RBFOX1: variants seen among roughly 807,000 people sequenced by gnomAD.
RBFOX1 encodes the protein RNA binding fox-1 homolog 1, also known as RNA binding protein fox-1 homolog 1.
Under a neutral mutation model 57.7 loss-of-function variants are expected in RBFOX1, and 8 were observed. The ratio of observed to expected loss-of-function variants is 0.14; its 90% confidence interval spans 0.08 to 0.25. The LOEUF (loss-of-function observed/expected upper bound fraction) is 0.25, where lower values mean the gene tolerates loss of function less well. RBFOX1 is among the 10% of genes least tolerant of loss of function. RBFOX1 has a pLI of 1.00. For synonymous variants in RBFOX1, 326 were observed against 222.4 expected (o/e 1.47, Z -4.15); for missense variants, 611 against 548.5 (o/e 1.11, Z -1.14).
At chr16:5,985,234 C>T (rs553422975) in intron 4 of RBFOX1, among the ~76,000 whole-genome samples, 3 of 151,764 alleles carry the variant, frequency 2.0e-5, no homozygotes, top group Non-Finnish European at 4.4e-5. Context: ...CCTCCTGATC[C>T]ATCCCCCTCG....
chr16:6,786,044 T>C (rs1047459034), intron 3 of RBFOX1, among the ~76,000 whole-genome samples: 1 of 152,170 alleles, frequency 6.6e-6, no homozygotes, highest in Non-Finnish European at 1.5e-5. Context: ...TGGTAGTGTC[T>C]GCACTGGGGA....
chr16:7,342,834 T>C (rs1432229007), intron 4 of RBFOX1, among the ~76,000 whole-genome samples: 1 of 152,210 alleles, frequency 6.6e-6, no homozygotes, highest in Non-Finnish European at 1.5e-5. Context: ...CCTGCATAGT[T>C]GGAATGACTA....
chr16:5,768,197 A>C (rs2053853231), intron 3 of RBFOX1, among the ~76,000 whole-genome samples: 1 of 152,204 alleles, frequency 6.6e-6, no homozygotes, highest in African/African-American at 2.4e-5. Flanking sequence ...CTCCATGCCT[A>C]GTTTTTGGAG....
intron 2 of RBFOX1, among the ~76,000 whole-genome samples, chr16:6,426,144 C>G (rs2093921611): frequency 6.6e-6 from 1 of 151,978 alleles, no homozygotes; most frequent in Non-Finnish European, 1.5e-5. Flanking sequence ...CTCTCTCTGT[C>G]TCTCTTTCTG....
intron 2 of RBFOX1, chr16:6,483,189 G>A: frequency 4.3e-6 from 5 of 1,158,834 alleles, no homozygotes; most frequent in Non-Finnish European, 5.3e-6. Flanking sequence ...GTTTTGGCGC[G>A]GACAGAGGCC....
chr16:7,578,892 T>C (rs2152829736), intron 5 of RBFOX1, among the ~76,000 whole-genome samples: 1 of 152,266 alleles, frequency 6.6e-6, no homozygotes, highest in South Asian at 2.1e-4. Context: ...TCCTGCCAAA[T>C]ATGTGGGTGT....
intron 3 of RBFOX1, among the ~76,000 whole-genome samples, chr16:6,777,529 TC>T (rs1022583380): frequency 6.6e-6 from 1 of 152,154 alleles, no homozygotes; most frequent in East Asian, 1.9e-4. Flanking sequence ...GTAATGCATT[TC>T]CCTGAGGGAA....
intron 3 of RBFOX1, among the ~76,000 whole-genome samples, chr16:5,645,669 C>T (rs529257084): frequency 3.3e-5 from 5 of 152,132 alleles, no homozygotes; most frequent in African/African-American, 7.2e-5. Context: ...TATTTACATA[C>T]GTATTTTTTG....
chr16:6,443,562 G>T (rs1447892705), intron 2 of RBFOX1, among the ~76,000 whole-genome samples: 1 of 152,182 alleles, frequency 6.6e-6, no homozygotes, highest in Admixed American at 6.5e-5. Flanking sequence ...TACCCAGTGT[G>T]CTCTGTAACT....
At chr16:5,243,933 G>C (rs955930281) in intron 1 of RBFOX1, among the ~76,000 whole-genome samples, 3 of 151,824 alleles carry the variant, frequency 2.0e-5, no homozygotes, top group African/African-American at 7.3e-5. Context: ...GTCTTACTCT[G>C]TTGCCCAGGC....
intron 3 of RBFOX1, among the ~76,000 whole-genome samples, chr16:6,954,082 T>A (rs1431826669): frequency 6.6e-6 from 1 of 152,142 alleles, no homozygotes; most frequent in African/African-American, 2.4e-5. Flanking sequence ...AAGGCGGTAA[T>A]AAAGTGTAAC....
chr16:7,282,043 A>G (rs2095555254), intron 4 of RBFOX1, among the ~76,000 whole-genome samples: 2 of 150,822 alleles, frequency 1.3e-5, no homozygotes, highest in African/African-American at 2.4e-5. Flanking sequence ...TTTTTTTTGT[A>G]TTTTTTGTAG....
At chr16:7,619,776 T>C (rs58867704) in intron 10 of RBFOX1, among the ~76,000 whole-genome samples, 12 of 152,270 alleles carry the variant, frequency 7.9e-5, no homozygotes, top group African/African-American at 2.9e-4. Flanking sequence ...ATTTTTTTTT[T>C]CCTAATCAGA....
intron 2 of RBFOX1, among the ~76,000 whole-genome samples, chr16:6,647,960 G>T (rs2098547412): frequency 6.6e-6 from 1 of 152,112 alleles, no homozygotes; most frequent in African/African-American, 2.4e-5. Context: ...TCGTGCGTCA[G>T]CCTCTCTAGT....
intron 3 of RBFOX1, among the ~76,000 whole-genome samples, chr16:5,814,172 C>T (rs1012630612): frequency 6.6e-6 from 1 of 152,166 alleles, no homozygotes; most frequent in Non-Finnish European, 1.5e-5. Context: ...TGAGGCCCGC[C>T]TGTGCTGCCC....
intron 1 of RBFOX1, among the ~76,000 whole-genome samples, chr16:6,265,651 G>C (rs1309534776): frequency 6.6e-6 from 1 of 152,128 alleles, no homozygotes; most frequent in African/African-American, 2.4e-5. Flanking sequence ...CCCTTCTTGT[G>C]CAGGATATGT....
intron 3 of RBFOX1, among the ~76,000 whole-genome samples, chr16:7,035,266 C>G (rs144036888): frequency 3.3e-5 from 5 of 151,960 alleles, no homozygotes; most frequent in African/African-American, 9.7e-5. Context: ...CTTGGGATTC[C>G]GCACCCTCCC....
At chr16:6,828,483 C>T (rs1197737918) in intron 3 of RBFOX1, among the ~76,000 whole-genome samples, 1 of 151,766 alleles carries the variant, frequency 6.6e-6, no homozygotes, top group Non-Finnish European at 1.5e-5. Flanking sequence ...GACATCACGC[C>T]ATTGCACTCC....
chr16:7,183,155 T>C (rs971054785), intron 4 of RBFOX1, among the ~76,000 whole-genome samples: 2 of 152,162 alleles, frequency 1.3e-5, no homozygotes, highest in South Asian at 2.1e-4. Flanking sequence ...TTTTTATTAG[T>C]TGAGGCAGAG....
Sources: gnomAD v4.1 joint callset for allele counts (sites outside exome capture counted in the v4.1 genomes callset) on GRCh38, gnomAD v4.1.1 for gene constraint, MANE v1.5 for transcripts, NCBI Gene and HGNC (gene_info 2026-07-23, HGNC 2026-07-21) for gene names.